L3MBTL4: variants seen among roughly 807,000 people sequenced by gnomAD.
L3MBTL4 encodes L3MBTL histone methyl-lysine binding protein 4.
In L3MBTL4, 70 loss-of-function variants were observed where a neutral mutation model predicts 84.5. The ratio of observed to expected loss-of-function variants is 0.83; its 90% CI spans 0.68 to 1.01. The LOEUF (loss-of-function observed/expected upper bound fraction) is 1.01. Ranked by LOEUF, L3MBTL4 falls within the 50% of genes least tolerant of loss-of-function variation. L3MBTL4 has a pLI of 0.00. For synonymous variants in L3MBTL4, 274 were observed against 259.8 expected (o/e 1.05, Z -0.52); for missense variants, 715 against 754.8 (o/e 0.95, Z 0.62).
chr18:6,239,328 G>T (rs918677845), intron 9 of L3MBTL4, among the ~76,000 whole-genome samples: 1 of 134,136 alleles, frequency 7.5e-6, no homozygotes, highest in Non-Finnish European at 1.5e-5. Flanking sequence ...GCGACAGAGC[G>T]AGACTCCGTC....
At chr18:6,172,752 A>T (rs1270637813) in intron 12 of L3MBTL4, among the ~76,000 whole-genome samples, 1 of 152,198 alleles carries the variant, frequency 6.6e-6, no homozygotes, top group Non-Finnish European at 1.5e-5. Flanking sequence ...TATTTCTTTT[A>T]AAAAATCTAT....
intron 16 of L3MBTL4, among the ~76,000 whole-genome samples, chr18:6,051,144 T>C (rs1264455923): frequency 6.6e-6 from 1 of 152,228 alleles, no homozygotes; most frequent in Non-Finnish European, 1.5e-5. Flanking sequence ...CAAGCTAATT[T>C]GGTTGCCAGT....
At chr18:6,175,179 C>T (rs1405075121) in intron 12 of L3MBTL4, among the ~76,000 whole-genome samples, 2 of 152,006 alleles carry the variant, frequency 1.3e-5, no homozygotes, top group South Asian at 2.1e-4. Flanking sequence ...TGAAAGCAAC[C>T]GGACACAATG....
chr18:6,350,272 G>A (rs771976137), intron 1 of L3MBTL4, among the ~76,000 whole-genome samples: 4 of 152,096 alleles, frequency 2.6e-5, no homozygotes, highest in Non-Finnish European at 4.4e-5. Context: ...AGCTGAAAAC[G>A]TTTGTGCATA....
At chr18:6,050,186 A>G (rs1286244715) in intron 16 of L3MBTL4, among the ~76,000 whole-genome samples, 2 of 152,188 alleles carry the variant, frequency 1.3e-5, no homozygotes, top group Admixed American at 6.5e-5. Flanking sequence ...ATGGGAGGGT[A>G]CTGGGTCAAA....
At chr18:6,040,701 T>A (rs2056362801) in intron 16 of L3MBTL4, among the ~76,000 whole-genome samples, 1 of 152,130 alleles carries the variant, frequency 6.6e-6, no homozygotes, top group Non-Finnish European at 1.5e-5. Flanking sequence ...GAAACCTTCA[T>A]TTCAAGGTTT....
intron 1 of L3MBTL4, among the ~76,000 whole-genome samples, chr18:6,380,873 G>A (rs1460023220): frequency 1.3e-5 from 2 of 152,138 alleles, no homozygotes; most frequent in African/African-American, 4.8e-5. Context: ...GAATATCCTT[G>A]TTAATTTTCT....
At chr18:6,278,864 T>TTA (rs1389999244) in intron 4 of L3MBTL4, among the ~76,000 whole-genome samples, 1 of 143,120 alleles carries the variant, frequency 7.0e-6, no homozygotes, top group African/African-American at 2.5e-5. Context: ...CGCTTTTACT[T>TTA]AAAAAAAAAA....
At chr18:6,253,484 G>T (rs1226676036) in intron 5 of L3MBTL4, among the ~76,000 whole-genome samples, 1 of 152,186 alleles carries the variant, frequency 6.6e-6, no homozygotes, top group Non-Finnish European at 1.5e-5. Flanking sequence ...ACATACTTAG[G>T]GGGTAAAATG....
chr18:6,322,472 A>T (rs1389321869), intron 1 of L3MBTL4, among the ~76,000 whole-genome samples: 1 of 144,844 alleles, frequency 6.9e-6, no homozygotes, highest in African/African-American at 2.6e-5. Context: ...GAAGGAAGGA[A>T]GGAAGGAAGG....
chr18:6,299,022 T>G (rs1358355101), intron 4 of L3MBTL4, among the ~76,000 whole-genome samples: 1 of 152,208 alleles, frequency 6.6e-6, no homozygotes, highest in African/African-American at 2.4e-5. Flanking sequence ...TCTGTTGTTT[T>G]TATTTTAGAT....
At chr18:6,169,632 G>A (rs1276009161) in intron 13 of L3MBTL4, among the ~76,000 whole-genome samples, 1 of 143,422 alleles carries the variant, frequency 7.0e-6, no homozygotes, top group Non-Finnish European at 1.5e-5. Flanking sequence ...TGAACAATGA[G>A]AACACATGGA....
intron 1 of L3MBTL4, among the ~76,000 whole-genome samples, chr18:6,409,909 G>A (rs2055894932): frequency 6.6e-6 from 1 of 152,146 alleles, no homozygotes; most frequent in African/African-American, 2.4e-5. Flanking sequence ...GATCAGAGGA[G>A]TAATCCTGGA....
chr18:6,114,499 C>T (rs1227457554), intron 14 of L3MBTL4, among the ~76,000 whole-genome samples: 1 of 152,154 alleles, frequency 6.6e-6, no homozygotes, highest in Non-Finnish European at 1.5e-5. Flanking sequence ...ATTATACAAG[C>T]TCCTTGATAG....
At chr18:6,213,339 ACT>A in intron 11 of L3MBTL4, 80 bp from the exon 12 acceptor site, 1 of 730,894 alleles carries the variant, frequency 1.4e-6, no homozygotes, top group South Asian at 2.0e-5. Context: ...CTAAAATACT[ACT>A]GTTTTAGTTT....
At chr18:6,311,522 T>G (rs553700246) in intron 3 of L3MBTL4, 32 bp downstream of exon 3, 1 of 1,587,764 alleles carries the variant, frequency 6.3e-7, no homozygotes, top group Non-Finnish European at 8.6e-7. Flanking sequence ...GATCACACAC[T>G]GTGAGGAAGG....
intron 12 of L3MBTL4, among the ~76,000 whole-genome samples, chr18:6,208,702 G>C (rs1476446426): frequency 6.6e-6 from 1 of 152,132 alleles, no homozygotes; most frequent in Non-Finnish European, 1.5e-5. Context: ...ACAGTAATGG[G>C]CTTTCAGATA....
At chr18:6,286,824 C>G (rs2049614012) in intron 4 of L3MBTL4, among the ~76,000 whole-genome samples, 1 of 152,130 alleles carries the variant, frequency 6.6e-6, no homozygotes, top group African/African-American at 2.4e-5. Flanking sequence ...GATTGTCGCT[C>G]TGTTTCATCT....
At chr18:6,240,544 A>G (rs150177254) in intron 8 of L3MBTL4, among the ~76,000 whole-genome samples, 39 of 152,200 alleles carry the variant, frequency 2.6e-4, no homozygotes, top group African/African-American at 9.4e-4. Context: ...CCCACCCTTC[A>G]TATATCTATA....
Sources: gnomAD v4.1 joint callset for allele counts (sites outside exome capture counted in the v4.1 genomes callset) on GRCh38, gnomAD v4.1.1 for gene constraint, MANE v1.5 for transcripts, NCBI Gene and HGNC (gene_info 2026-07-23, HGNC 2026-07-21) for gene names.